The following SLC3A2 variants were observed in gnomAD, a reference collection of about 807,000 sequenced individuals.
SLC3A2 encodes the protein amino acid transporter heavy chain SLC3A2.
In SLC3A2, 32 loss-of-function variants were observed where a neutral mutation model predicts 48.5. That is an observed-to-expected ratio of 0.66 (90% CI 0.50 to 0.89). The LOEUF (loss-of-function observed/expected upper bound fraction) is 0.89. Ranked by LOEUF, SLC3A2 falls within the 40% of genes least tolerant of loss-of-function variation. The pLI is 0.00. For missense variants in SLC3A2, 587 were observed against 680.7 expected (o/e 0.86, Z 1.53); for synonymous variants, 277 against 288.8 (o/e 0.96, Z 0.41).
At position 62,881,593 on chromosome 11, in the gene SLC3A2, C is replaced by G. The variant is rs1353621392; in HGVS notation, c.424+146C>G. 9 of 1,172,558 alleles carry G rather than the reference C, an allele frequency of 7.7e-6. No individual in the cohort carries two copies. The highest frequency in any genetic ancestry group is 1.0e-5 in the Non-Finnish European group (9 of 859,620). The allele number at this position is 1,172,558 out of a possible 1,614,324, so 72.6% of individuals were successfully genotyped here. Reference sequence around the variant, plus strand: ...GTTCCCCCTTCCCCCACCCCCTCCCCGGCACATTGTCCTTCCCTCCTTTCT... The same window carrying G: ...GTTCCCCCTTCCCCCACCCCCTCCCGGGCACATTGTCCTTCCCTCCTTTCT... On this transcript the variant is annotated intron_variant, in intron 1 of 8. Transcript: ENST00000338663. This position sits in a 1 kb window ranked among gnomAD's most constrained non-coding sequence, Gnocchi z 4.0.
chr11:62,886,232 T>G (rs1228038375), intron 7 of SLC3A2, among the ~76,000 whole-genome samples: 1 of 151,610 alleles, frequency 6.6e-6, no homozygotes, highest in African/African-American at 2.4e-5. Context: ...GAGGTTGCAG[T>G]GAACTGAGAT....
At chr11:62,862,703 G>C (rs2085414485) in intron 1 of SLC3A2, among the ~76,000 whole-genome samples, 1 of 152,112 alleles carries the variant, frequency 6.6e-6, no homozygotes, top group African/African-American at 2.4e-5. Flanking sequence ...TTTATGTTGG[G>C]AATGCTGTAA....
chr11:62,857,122 C>CTGTTTGTTTGTTTTCAGAT, intron 1 of SLC3A2, among the ~76,000 whole-genome samples: 2 of 151,400 alleles, frequency 1.3e-5, no homozygotes, highest in African/African-American at 2.4e-5. Flanking sequence ...CGCGCCCGGC[C>CTGTTTGTTTGTTTTCAGAT]AAACATTTTT....
At chr11:62,872,604 A>C (rs1341883354) in intron 1 of SLC3A2, among the ~76,000 whole-genome samples, 1 of 152,120 alleles carries the variant, frequency 6.6e-6, no homozygotes, top group Non-Finnish European at 1.5e-5. Context: ...GAAATTAACC[A>C]ATTTTTTCTT....
chr11:62,882,113 C>T (rs1215454068), intron 2 of SLC3A2, 47 bp downstream of exon 2: 2 of 1,607,892 alleles, frequency 1.2e-6, no homozygotes, highest in South Asian at 1.1e-5. Context: ...AGGACTTGGC[C>T]AGAGGAAAAG....
chr11:62,858,491 C>T (rs1452923434), intron 1 of SLC3A2, among the ~76,000 whole-genome samples: 2 of 152,178 alleles, frequency 1.3e-5, no homozygotes, highest in East Asian at 1.9e-4. Context: ...CCAAAGTGGG[C>T]GGATCACCTG....
At chr11:62,883,766 C>G (rs1171652884) in intron 3 of SLC3A2, 2 of 301,456 alleles carry the variant, frequency 6.6e-6, no homozygotes, top group African/African-American at 4.4e-5. Flanking sequence ...GGGGCGGTAC[C>G]CTCAGATGGA....
At position 62,885,602 on chromosome 11, in the gene SLC3A2, T is replaced by C; in HGVS notation, c.1137T>C (p.Pro379=). 1 of 1,614,136 alleles carries C rather than the reference T, an allele frequency of 6.2e-7. No homozygotes were observed. Among genetic ancestry groups the C allele is most frequent in the Non-Finnish European group, 8.5e-7 (1 of 1,179,972 alleles). The change falls in exon 7 of 9, where the codon CCT becomes CCC. Residue 379 remains proline (P), a synonymous_variant. Transcript: ENST00000338663. The part of the protein sequence containing the change: ...DEIGLDAAAL[P]GQPMEAPVML... ...TTGGCCTGGATGCAGCTGCCCTTCC[T>C]GGACAGGTACTGCTTGCTGTCTTTC... is the stretch of plus-strand genomic sequence containing the variant.
chr11:62,869,821 C>A lies in SLC3A2; in HGVS notation c.113-11198C>A, dbSNP rs562915678. ...TTTTTGAGTTGGAGTCTTGCTCTGT[C>A]GCCCAGGTTGGAGTGCAGTGGCGCG... On this transcript the variant is annotated intron_variant, in intron 1 of 9. Transcript: ENST00000377889. Among the ~76,000 whole-genome samples, 3 of 146,964 alleles carry A rather than the reference C, an allele frequency of 2.0e-5. No homozygotes were observed. In the East Asian group the frequency reaches 6.0e-4, roughly 29 times the overall value.
At chr11:62,859,039 C>T (rs1479450012) in intron 1 of SLC3A2, among the ~76,000 whole-genome samples, 2 of 152,176 alleles carry the variant, frequency 1.3e-5, no homozygotes, top group Non-Finnish European at 2.9e-5. Context: ...TCCTCTTATA[C>T]TAATCCTCCT....
intron 1 of SLC3A2, among the ~76,000 whole-genome samples, chr11:62,870,228 C>G (rs2085496861): frequency 6.8e-6 from 1 of 146,474 alleles, no homozygotes. Flanking sequence ...TGTTGCCAGC[C>G]TGGAGTGCAG....
chr11:62,864,393 A>G (rs1350741745), intron 1 of SLC3A2, among the ~76,000 whole-genome samples: 1 of 151,914 alleles, frequency 6.6e-6, no homozygotes, highest in Non-Finnish European at 1.5e-5. Flanking sequence ...AGTTCAAGCA[A>G]TTCTTGGTCC....
chr11:62,886,896 G>GC (rs1370712013), intron 7 of SLC3A2, among the ~76,000 whole-genome samples: 1 of 151,952 alleles, frequency 6.6e-6, no homozygotes, highest in Non-Finnish European at 1.5e-5. Flanking sequence ...ACTGTGCCTG[G>GC]CCACAGCTAA....
At chr11:62,877,224 C>A (rs2085580240), upstream of SLC3A2, among the ~76,000 whole-genome samples, 1 of 151,998 alleles carries the variant, frequency 6.6e-6, no homozygotes, top group African/African-American at 2.4e-5. Context: ...CCACGCCTGG[C>A]TAATTTTTGT....
At chr11:62,886,881 G>A (rs753650733) in intron 7 of SLC3A2, among the ~76,000 whole-genome samples, 2 of 152,108 alleles carry the variant, frequency 1.3e-5, no homozygotes, top group African/African-American at 2.4e-5. Flanking sequence ...CTACAGGTGT[G>A]AGCCACTGTG....
chr11:62,868,456 C>T (rs1469464891), intron 1 of SLC3A2, among the ~76,000 whole-genome samples: 1 of 150,264 alleles, frequency 6.7e-6, no homozygotes, highest in Non-Finnish European at 1.5e-5. Flanking sequence ...ACCTCTGCCT[C>T]CTGGGTTCAC....
chr11:62,883,454 A>C (rs1224793218), intron 3 of SLC3A2: 1 of 192,422 alleles, frequency 5.2e-6, no homozygotes, highest in Non-Finnish European at 1.1e-5. Flanking sequence ...AATTCTCTGT[A>C]TAACCATACA....
chr11:62,884,637 A>C lies in SLC3A2; in HGVS notation c.765A>C (p.Ala255=). 1 of 1,610,920 alleles carries C rather than the reference A, an allele frequency of 6.2e-7. No homozygotes were observed. Among genetic ancestry groups the C allele is most frequent in the Non-Finnish European group, 8.5e-7 (1 of 1,177,686 alleles). The change falls in exon 5 of 9, where the codon GCA becomes GCC. Residue 255 remains alanine (A), a synonymous_variant. Transcript: ENST00000338663. The stretch of plus-strand genomic sequence containing the variant: ...TTCTGCTTTTTTCTTTCTAGGATGC[A>C]TCCTCATTCTTGGCTGAGTGGCAAA... ...QVRDIENLKD[A]SSFLAEWQNI... is the part of the protein sequence containing the mutation.
chr11:62,884,516 G>T lies in SLC3A2; in HGVS notation c.750G>T (p.Glu250Asp). ...ATGGGTTCCAGGTTCGGGACATAGA[G>T]AATCTGAAGGTGAGTTCCCTTTCCA... is the stretch of plus-strand genomic sequence containing the variant. The part of the protein sequence containing the change: ...GVDGFQVRDI[E>D]NLKDASSFLA... The change falls in exon 4 of 9, where the codon GAG (glutamate) becomes GAT (aspartate). Residue 250 changes from glutamate to aspartate, a missense_variant. Physicochemically the swap from Glu to Asp is conservative, Grantham distance 45. Coordinates refer to ENST00000338663, the MANE Select transcript of SLC3A2 (RefSeq NM_001013251.3). 1 of 1,614,234 alleles carries T rather than the reference G, an allele frequency of 6.2e-7. No homozygotes were observed. The highest frequency in any genetic ancestry group is 8.5e-7 in the Non-Finnish European group (1 of 1,180,050).
Sources: allele counts gnomAD v4.1 joint callset (sites outside exome capture counted in the v4.1 genomes callset), GRCh38; gene constraint gnomAD v4.1.1; non-coding constraint Gnocchi (gnomAD v3.1); transcripts MANE v1.5; gene names NCBI Gene and HGNC (gene_info 2026-07-23, HGNC 2026-07-21).